Variants in DDX43 observed in about 807,000 individuals in gnomAD.
DDX43 encodes the protein DEAD-box helicase 43, also known as probable ATP-dependent RNA helicase DDX43.
A neutral mutation model predicts 84.9 loss-of-function variants in DDX43; 50 were observed. The observed-to-expected ratio is 0.59, with a 90% CI of 0.47 to 0.75. DDX43 has a LOEUF of 0.75. Ranked by LOEUF, DDX43 falls within the 30% of genes least tolerant of loss-of-function variation. The pLI, the probability that DDX43 is intolerant of heterozygous loss-of-function variation, is 0.00. For missense variants in DDX43, 689 were observed against 798.6 expected, an observed-to-expected ratio of 0.86 and a Z score of 1.65; for synonymous variants, 291 against 266.3, an observed-to-expected ratio of 1.09 and a Z score of -0.90.
chr6:73,412,130 G>T, intron 10 of DDX43, 75 bp from the exon 11 acceptor site: 1 of 1,276,758 alleles, frequency 7.8e-7, no homozygotes. Context: ...TGAGTAACTT[G>T]GTTCATAGCA....
In DDX43 at chr6:73,415,486, C is replaced by T. The variant is rs754346234; in HGVS notation, c.1746-11C>T. 2 of 1,597,894 alleles carry T rather than the reference C, an allele frequency of 1.3e-6. No individual in the cohort carries two copies. The highest frequency in any genetic ancestry group is 3.4e-5 in the Admixed American group (2 of 58,262). On this transcript the variant is annotated splice_polypyrimidine_tract_variant and intron_variant, in intron 14 of 16. Transcript: ENST00000370336. Reference sequence around the variant, plus strand: ...TAATGAATACATGAGTTTTTTTCCCCCACACTAAAGGAGGACTGGTGTTTC... The same window carrying T: ...TAATGAATACATGAGTTTTTTTCCCTCACACTAAAGGAGGACTGGTGTTTC...
intron 4 of DDX43, among the ~76,000 whole-genome samples, chr6:73,403,878 C>T (rs891823554): frequency 8.0e-5 from 12 of 150,452 alleles, no homozygotes; most frequent in Admixed American, 4.7e-4. Context: ...AGTGCAGTGG[C>T]GCAATCTTGG....
rs369697177 is a variant in DDX43, at chr6:73,399,581, T to C, written c.307-653T>C. Among the ~76,000 whole-genome samples, 9 of 152,212 alleles carry C rather than the reference T, an allele frequency of 5.9e-5. No individual in the cohort carries two copies. The East Asian group carries it at 7.7e-4, about 13-fold the overall frequency. ...TTATAGTGCGTGTAAATACTGTAGT[T>C]GATAAACATTGTTTGAATTGCCAAC... On this transcript the variant is annotated intron_variant, in intron 2 of 16. Transcript: ENST00000370336.
rs759745642 is a variant in DDX43 at position 73,395,177 on chromosome 6, A to AG, written c.250+25dup. 11 of 1,586,666 alleles carry AG rather than the reference A, an allele frequency of 6.9e-6. No homozygotes were observed. The African/African-American group carries it at 1.3e-4, about 19-fold the overall frequency. ...ATCGGTGAGAATGGGAGTGGCTGGC[A>AG]GGGCAGGATAGGTGGGGCCAGGGGC... On this transcript the variant is annotated intron_variant, in intron 1 of 16. Transcript: ENST00000370336.
intron 15 of DDX43, 34 bp from the exon 16 acceptor site, chr6:73,416,079 A>G (rs1190743488): frequency 2.6e-6 from 3 of 1,135,506 alleles, no homozygotes; most frequent in Non-Finnish European, 4.0e-6. Context: ...AAAAGAACTC[A>G]GAATCCTAAT....
At chr6:73,405,535 T>C in intron 5 of DDX43, 144 bp from the exon 6 acceptor site, 1 of 721,204 alleles carries the variant, frequency 1.4e-6, no homozygotes, top group African/African-American at 1.8e-5. Context: ...TCTATTTCTT[T>C]ATGCATTTCA....
chr6:73,400,568 T>C (rs1025274374), intron 3 of DDX43, among the ~76,000 whole-genome samples: 2 of 152,240 alleles, frequency 1.3e-5, no homozygotes, highest in Non-Finnish European at 2.9e-5. Flanking sequence ...CTAGCAGTTT[T>C]ACTTTTAGCC....
At chr6:73,411,457 T>C (rs1769783664) in intron 10 of DDX43, among the ~76,000 whole-genome samples, 1 of 151,004 alleles carries the variant, frequency 6.6e-6, no homozygotes, top group Non-Finnish European at 1.5e-5. Flanking sequence ...GCCTCCCGAG[T>C]AGCTGGGATT....
At chr6:73,411,123 C>G (rs1265369563) in intron 10 of DDX43, among the ~76,000 whole-genome samples, 1 of 135,308 alleles carries the variant, frequency 7.4e-6, no homozygotes, top group Non-Finnish European at 1.5e-5. Context: ...TTGCAGTGAG[C>G]CGAGATCACG....
intron 1 of DDX43, among the ~76,000 whole-genome samples, chr6:73,395,726 A>G (rs921234219): frequency 2.8e-4 from 42 of 152,122 alleles, no homozygotes; most frequent in African/African-American, 8.9e-4. Flanking sequence ...CTGAAGAGGG[A>G]TGCTTAGAAC....
At chr6:73,402,021 TTGTTTC>T (rs763378461) in intron 4 of DDX43, 31 bp downstream of exon 4, 1 of 1,610,354 alleles carries the variant, frequency 6.2e-7, no homozygotes, top group African/African-American at 1.3e-5. Flanking sequence ...TTTACATATA[TTGTTTC>T]TGTTAACTGC....
chr6:73,413,854 T>G, intron 12 of DDX43, 69 bp downstream of exon 12: 1 of 1,542,476 alleles, frequency 6.5e-7, no homozygotes, highest in Non-Finnish European at 8.9e-7. Flanking sequence ...ATTTGTATAC[T>G]AATTCCAAAT....
chr6:73,405,918 G>A, intron 6 of DDX43, 83 bp downstream of exon 6: 1 of 1,314,356 alleles, frequency 7.6e-7, no homozygotes, highest in Non-Finnish European at 1.0e-6. Context: ...ACTCCAGGGA[G>A]CAACTGTCTT....
chr6:73,408,148 G>T, intron 9 of DDX43, 47 bp downstream of exon 9: 1 of 1,596,702 alleles, frequency 6.3e-7, no homozygotes, highest in South Asian at 1.1e-5. Flanking sequence ...AAAAATAACT[G>T]AACTGGCCGG....
chr6:73,413,933 A>G (rs748976015), intron 12 of DDX43, 37 bp from the exon 13 acceptor site: 6 of 1,545,074 alleles, frequency 3.9e-6, no homozygotes, highest in South Asian at 2.3e-5. Flanking sequence ...GCATTAGAAT[A>G]AGCACCTAAG....
rs757532425 is a variant in DDX43, at chr6:73,413,886, T to C, written c.1497-84T>C. 1.6e-5 allele frequency: 24 copies of C among 1,520,126 alleles called. No individual in the cohort carries two copies. The Admixed American group carries it at 3.3e-4, about 21-fold the overall frequency. The allele number at this position is 1,520,126 out of a possible 1,614,324, so 94.2% of individuals were successfully genotyped here. A position where few individuals can be genotyped will look rare whatever the true frequency, so the allele number is the denominator to read the frequency against. ...AAATGGGGGTGATAAGTCTGTTATGTTACTTTAGATTTTTGCTAACAGAAG... is the reference window on the plus strand; with the variant it reads ...AAATGGGGGTGATAAGTCTGTTATGCTACTTTAGATTTTTGCTAACAGAAG... On this transcript the variant is annotated intron_variant, in intron 12 of 16. Transcript: ENST00000370336.
intron 4 of DDX43, among the ~76,000 whole-genome samples, chr6:73,403,663 A>AT (rs927242277): frequency 1.3e-5 from 2 of 151,808 alleles, no homozygotes; most frequent in African/African-American, 2.4e-5. Flanking sequence ...TTTTTATTAA[A>AT]TTTTTTTTGA....
intron 14 of DDX43, 43 bp downstream of exon 14, chr6:73,414,729 C>T (rs1769869238): frequency 1.3e-6 from 2 of 1,529,708 alleles, no homozygotes; most frequent in Non-Finnish European, 1.8e-6. Context: ...ATTCTAGATT[C>T]TCCTTATTCC....
chr6:73,409,787 T>C (rs1769750752), intron 10 of DDX43, among the ~76,000 whole-genome samples: 1 of 152,194 alleles, frequency 6.6e-6, no homozygotes, highest in African/African-American at 2.4e-5. Flanking sequence ...TCCCAGCTCT[T>C]TGGGAGGCCG....
Sources: gnomAD v4.1 joint callset for allele counts (sites outside exome capture counted in the v4.1 genomes callset) on GRCh38, gnomAD v4.1.1 for gene constraint, MANE v1.5 for transcripts, NCBI Gene and HGNC (gene_info 2026-07-23, HGNC 2026-07-21) for gene names.